Variants in CBL observed in about 807,000 individuals in gnomAD.
The protein encoded by CBL is E3 ubiquitin-protein ligase CBL.
In CBL, 45 loss-of-function variants were observed where a neutral mutation model predicts 96.9. That is an observed-to-expected ratio of 0.46 (90% confidence interval 0.37 to 0.60). CBL has a LOEUF of 0.60. Among genes scored for constraint, CBL ranks in the 20% least tolerant of loss-of-function variants. CBL has a pLI of 0.00. For missense variants in CBL, 1,024 were observed against 1,143.5 expected, an observed-to-expected ratio of 0.90 and a Z score of 1.51; for synonymous variants, 420 against 426.8, an observed-to-expected ratio of 0.98 and a Z score of 0.20.
intron 12 of CBL, among the ~76,000 whole-genome samples, chr11:119,292,608 G>A (rs1361920811): frequency 2.0e-5 from 3 of 152,000 alleles, no homozygotes; most frequent in South Asian, 4.2e-4. Flanking sequence ...TTTTTTAGTA[G>A]AGACGGGGTT....
intron 2 of CBL, among the ~76,000 whole-genome samples, chr11:119,246,402 G>A (rs1724848245): frequency 6.6e-6 from 1 of 152,156 alleles, no homozygotes; most frequent in African/African-American, 2.4e-5. Context: ...CAAATATGTA[G>A]TTGGAAAGGG....
intron 1 of CBL, among the ~76,000 whole-genome samples, chr11:119,228,362 T>C (rs1288282061): frequency 6.6e-6 from 1 of 152,078 alleles, no homozygotes; most frequent in African/African-American, 2.4e-5. Flanking sequence ...ACAAAGCATT[T>C]TGGGAGGTCG....
At chr11:119,254,866 T>C (rs1420069655) in intron 2 of CBL, among the ~76,000 whole-genome samples, 2 of 152,138 alleles carry the variant, frequency 1.3e-5, no homozygotes, top group East Asian at 3.9e-4. Flanking sequence ...CCTCCCAAAG[T>C]GCTGGGATTA....
At chr11:119,240,853 A>T (rs1949581174) in intron 2 of CBL, among the ~76,000 whole-genome samples, 1 of 152,068 alleles carries the variant, frequency 6.6e-6, no homozygotes, top group Non-Finnish European at 1.5e-5. Flanking sequence ...TGGGTGGATC[A>T]CCTGAGGTCA....
chr11:119,244,906 G>A (rs1222122223), intron 2 of CBL, among the ~76,000 whole-genome samples: 1 of 151,724 alleles, frequency 6.6e-6, no homozygotes, highest in Non-Finnish European at 1.5e-5. Flanking sequence ...GGAGTCCAGT[G>A]ACACAATCAT....
In CBL at chr11:119,303,374, C is replaced by T; in HGVS notation, c.*3593C>T. On this transcript the variant is annotated 3_prime_UTR_variant, in exon 16 of 16. Coordinates refer to ENST00000264033, the MANE Select transcript of CBL (RefSeq NM_005188.4). ...TGGCTCTAACAGTTTGTTTGTTCAT[C>T]CAGCAAATGTTTATGAGTGATGACC... 4.3e-6 allele frequency: 1 copy of T among 233,506 alleles called. No homozygotes were observed. Among genetic ancestry groups the T allele is most frequent in the Non-Finnish European group, 8.5e-6 (1 of 117,948 alleles). The allele number at this position is 233,506 out of a possible 1,614,324, so 14.5% of individuals were successfully genotyped here.
chr11:119,234,695 G>T (rs1196607964), intron 2 of CBL, among the ~76,000 whole-genome samples: 1 of 152,182 alleles, frequency 6.6e-6, no homozygotes, highest in Non-Finnish European at 1.5e-5. Flanking sequence ...CTACTCAGAA[G>T]ACTGAGGTGG....
intron 1 of CBL, among the ~76,000 whole-genome samples, chr11:119,227,769 C>T (rs746008279): frequency 5.3e-5 from 8 of 152,104 alleles, no homozygotes; most frequent in Non-Finnish European, 1.2e-4. Context: ...AGGCTGGTGT[C>T]GAACTCCTGA....
In CBL at chr11:119,301,909, AAGC is replaced by A. The variant is rs1950105142; in HGVS notation, c.*2131_*2133del. On this transcript the variant is annotated 3_prime_UTR_variant, in exon 16 of 16. Coordinates refer to ENST00000264033, the MANE Select transcript of CBL (RefSeq NM_005188.4). The stretch of plus-strand genomic sequence containing the variant: ...CCTAGACAAAGAACTAGAAAAAAAA[AAGC>A]AGTTTCCAGGCCCATCCATATTGTA... The A allele has an allele frequency of 4.3e-6, 1 of 233,160 alleles. No homozygotes were observed. Among genetic ancestry groups the A allele is most frequent in the African/African-American group, 2.2e-5 (1 of 45,338 alleles). 14.4% of individuals were successfully genotyped at this position (233,160 alleles called of 1,614,324 possible).
intron 1 of CBL, among the ~76,000 whole-genome samples, chr11:119,222,945 G>A (rs1456526055): frequency 6.6e-6 from 1 of 152,102 alleles, no homozygotes; most frequent in Non-Finnish European, 1.5e-5. Context: ...GGGATGCCAG[G>A]AGGCAGGATA....
chr11:119,254,587 GTAT>G (rs1949696510), intron 2 of CBL, among the ~76,000 whole-genome samples: 2 of 151,824 alleles, frequency 1.3e-5, no homozygotes, highest in South Asian at 2.1e-4. Flanking sequence ...TAAAAATGTG[GTAT>G]TATAATCTTT....
chr11:119,286,299 CA>C (rs937832526), intron 11 of CBL, among the ~76,000 whole-genome samples: 11 of 146,932 alleles, frequency 7.5e-5, no homozygotes, highest in Non-Finnish European at 1.2e-4. Flanking sequence ...AACTTTGTCT[CA>C]AAAAAAAAAT....
intron 15 of CBL, 102 bp downstream of exon 15, chr11:119,298,642 G>A (rs1950080041): frequency 2.0e-6 from 2 of 1,020,018 alleles, no homozygotes; most frequent in Non-Finnish European, 3.1e-6. Flanking sequence ...AAGTCAGTAT[G>A]TAGGCTAAAC....
rs554751395 is a variant in CBL, at chr11:119,225,717, A to C, written c.196-6731A>C. ...AAGACACCGTATCCAGCCAATATAA[A>C]TATTTTCTTTTTTTTTTTTTTTTTT... On this transcript the variant is annotated intron_variant, in intron 1 of 15. Transcript: ENST00000264033. Among the ~76,000 whole-genome samples the C allele has an allele frequency of 7.1e-3, 800 of 111,952 alleles. 8 individuals are homozygous for C. The highest frequency in any genetic ancestry group is 0.026 in the African/African-American group (749 of 28,880). 73.4% of individuals were successfully genotyped at this position (111,952 alleles called of 152,430 possible). A position where few individuals can be genotyped will look rare whatever the true frequency, so the allele number is the denominator to read the frequency against.
At chr11:119,290,619 CA>C (rs113629941) in intron 12 of CBL, among the ~76,000 whole-genome samples, 80,263 of 133,880 alleles carry the variant, frequency 0.6, 23,787 homozygotes, top group East Asian at 0.88. Context: ...GACTCTGTCT[CA>C]AAAAAAAAAA....
chr11:119,219,876 G>A (rs919284350), intron 1 of CBL, among the ~76,000 whole-genome samples: 3 of 147,232 alleles, frequency 2.0e-5, no homozygotes, highest in Non-Finnish European at 4.5e-5. Flanking sequence ...TTGAGACGGA[G>A]TCTTGCTCTG....
chr11:119,237,611 G>A (rs558163529), intron 2 of CBL, among the ~76,000 whole-genome samples: 1 of 152,240 alleles, frequency 6.6e-6, no homozygotes, highest in South Asian at 2.1e-4. Context: ...ATATCCCTTT[G>A]TCTCAGCACC....
chr11:119,295,419 A>G (rs1373088681), intron 12 of CBL, among the ~76,000 whole-genome samples: 2 of 152,122 alleles, frequency 1.3e-5, no homozygotes, highest in African/African-American at 2.4e-5. Flanking sequence ...GTGGCCAAAT[A>G]CCACATTAAG....
intron 12 of CBL, among the ~76,000 whole-genome samples, chr11:119,291,583 C>G (rs1950027091): frequency 6.6e-6 from 1 of 152,138 alleles, no homozygotes; most frequent in South Asian, 2.1e-4. Context: ...TGGTGCACAC[C>G]TGTGGTCCTA....
Sources: allele counts gnomAD v4.1 joint callset (sites outside exome capture counted in the v4.1 genomes callset), GRCh38; gene constraint gnomAD v4.1.1; transcripts MANE v1.5; gene names NCBI Gene and HGNC (gene_info 2026-07-23, HGNC 2026-07-21).